SNCAIP: variants seen among roughly 807,000 people sequenced by gnomAD.
The protein encoded by SNCAIP is synphilin-1.
A neutral mutation model predicts 86.7 loss-of-function variants in SNCAIP; 43 were observed. The observed-to-expected ratio is 0.50, with a 90% CI of 0.39 to 0.64. The LOEUF (loss-of-function observed/expected upper bound fraction) is 0.64, where lower values mean the gene tolerates loss of function less well. Among genes scored for constraint, SNCAIP ranks in the 30% least tolerant of loss-of-function variants. The pLI is 0.00. For synonymous variants in SNCAIP, 417 were observed against 427.2 expected (o/e 0.98, Z 0.29); for missense variants, 981 against 1,103.1 (o/e 0.89, Z 1.57).
intron 7 of SNCAIP, chr5:122,441,408 C>G (rs1461779035): frequency 6.5e-6 from 1 of 153,394 alleles, no homozygotes; most frequent in Non-Finnish European, 1.5e-5. Flanking sequence ...CCCTAACTTG[C>G]CTTCTAAATA....
intron 8 of SNCAIP, among the ~76,000 whole-genome samples, chr5:122,449,299 G>A (rs1783205119): frequency 6.6e-6 from 1 of 152,102 alleles, no homozygotes; most frequent in Non-Finnish European, 1.5e-5. Flanking sequence ...TGGCTGTATG[G>A]ATACTCAAAG....
intron 1 of SNCAIP, among the ~76,000 whole-genome samples, chr5:122,315,908 T>C (rs991892415): frequency 5.9e-5 from 9 of 152,020 alleles, no homozygotes; most frequent in African/African-American, 1.7e-4. Flanking sequence ...AGGTGACTGA[T>C]TATAGGGGGT....
At chr5:122,433,692 C>T (rs746892670) in intron 6 of SNCAIP, among the ~76,000 whole-genome samples, 6 of 152,174 alleles carry the variant, frequency 3.9e-5, no homozygotes, top group Non-Finnish European at 8.8e-5. Flanking sequence ...TAGTCCCCAT[C>T]CACAGTGTCC....
intron 2 of SNCAIP, among the ~76,000 whole-genome samples, chr5:122,391,775 A>C (rs2152841347): frequency 6.6e-6 from 1 of 152,314 alleles, no homozygotes; most frequent in Middle Eastern, 3.4e-3. Flanking sequence ...TAATTCCCAT[A>C]ACAGCCACAA....
intron 1 of SNCAIP, among the ~76,000 whole-genome samples, chr5:122,360,902 T>A (rs144825373): frequency 4.6e-5 from 7 of 151,922 alleles, no homozygotes; most frequent in African/African-American, 1.4e-4. Flanking sequence ...AATCAGGAGA[T>A]GAGGGGAAAA....
intron 1 of SNCAIP, among the ~76,000 whole-genome samples, chr5:122,364,352 T>C (rs1408104425): frequency 6.6e-6 from 1 of 152,256 alleles, no homozygotes; most frequent in Non-Finnish European, 1.5e-5. Flanking sequence ...GTGCTTTCAC[T>C]TTATGGACTC....
chr5:122,437,139 C>T (rs1475272204), intron 6 of SNCAIP: 2 of 152,216 alleles, frequency 1.3e-5, no homozygotes, highest in East Asian at 1.9e-4. Context: ...CATGTAGATA[C>T]ACTGACTGAG....
intron 3 of SNCAIP, among the ~76,000 whole-genome samples, chr5:122,407,833 C>T (rs1364645459): frequency 6.6e-6 from 1 of 152,140 alleles, no homozygotes; most frequent in Non-Finnish European, 1.5e-5. Flanking sequence ...CTCCTTATCC[C>T]AACCACAGGG....
At chr5:122,337,687 C>T (rs115265345) in intron 1 of SNCAIP, among the ~76,000 whole-genome samples, 3,748 of 152,230 alleles carry the variant, frequency 0.025, 150 homozygotes, top group African/African-American at 0.086. Context: ...TGCAGGCATG[C>T]CGCCACCATG....
intron 6 of SNCAIP, among the ~76,000 whole-genome samples, chr5:122,434,342 C>T (rs866257428): frequency 1.2e-4 from 19 of 152,286 alleles, no homozygotes; most frequent in Middle Eastern, 6.8e-3. Context: ...GGGCATTCGG[C>T]ATGCTTTGTC....
chr5:122,395,867 A>G (rs1580972062), intron 2 of SNCAIP, among the ~76,000 whole-genome samples: 1 of 152,240 alleles, frequency 6.6e-6, no homozygotes, highest in South Asian at 2.1e-4. Flanking sequence ...TCTCTCTAGC[A>G]ATGAATATAT....
chr5:122,435,561 G>A (rs565175928), intron 6 of SNCAIP, among the ~76,000 whole-genome samples: 6 of 152,162 alleles, frequency 3.9e-5, no homozygotes, highest in South Asian at 2.1e-4. Context: ...ATTCTTCTAC[G>A]AAAACAACCT....
chr5:122,420,266 A>G (rs1293028764), intron 3 of SNCAIP, among the ~76,000 whole-genome samples: 1 of 152,172 alleles, frequency 6.6e-6, no homozygotes, highest in East Asian at 1.9e-4. Context: ...AGCGTTTTTA[A>G]TGGCTCCTGT....
rs1310046728 is a variant in SNCAIP at position 122,416,674 on chromosome 5, G to A, written c.131-6194G>A. On this transcript the variant is annotated intron_variant, in intron 3 of 10. Coordinates refer to ENST00000261368, the MANE Select transcript of SNCAIP (RefSeq NM_005460.4). ...TTCCTACTGTCAGAACATGGGATAA[G>A]CCACCTGTCATCATTTCTTACAGAG... 4.6e-5 allele frequency among the ~76,000 whole-genome samples: 7 copies of A among 152,152 alleles called. No individual in the cohort carries two copies. In the East Asian group the frequency reaches 9.6e-4, roughly 21 times the overall value.
intron 3 of SNCAIP, among the ~76,000 whole-genome samples, chr5:122,416,837 T>A (rs554002551): frequency 3.9e-5 from 6 of 152,194 alleles, no homozygotes; most frequent in Non-Finnish European, 8.8e-5. Context: ...AGAAATGGAA[T>A]GTTGGAGAAC....
chr5:122,417,882 G>A (rs1295531678), intron 3 of SNCAIP, among the ~76,000 whole-genome samples: 2 of 152,190 alleles, frequency 1.3e-5, no homozygotes, highest in Non-Finnish European at 2.9e-5. Context: ...TCTCAGGAGG[G>A]AAGGTGAAAC....
intron 1 of SNCAIP, among the ~76,000 whole-genome samples, chr5:122,362,604 AG>A (rs1327957797): frequency 6.6e-6 from 1 of 152,206 alleles, no homozygotes; most frequent in Non-Finnish European, 1.5e-5. Flanking sequence ...GAGAACTCAT[AG>A]GAATGCTAGT....
At chr5:122,414,032 C>T (rs1774721198) in intron 3 of SNCAIP, among the ~76,000 whole-genome samples, 2 of 152,102 alleles carry the variant, frequency 1.3e-5, no homozygotes, top group African/African-American at 4.8e-5. Context: ...GCTTCAGCTT[C>T]CCTAGTAGAT....
intron 1 of SNCAIP, among the ~76,000 whole-genome samples, chr5:122,315,454 G>A (rs4895350): frequency 0.27 from 40,859 of 152,042 alleles, 6,539 homozygotes; most frequent in African/African-American, 0.46. Context: ...CATTAGCCAT[G>A]TCAAGTCAGA....
Sources: allele counts gnomAD v4.1 joint callset (sites outside exome capture counted in the v4.1 genomes callset), GRCh38; gene constraint gnomAD v4.1.1; transcripts MANE v1.5; gene names NCBI Gene and HGNC (gene_info 2026-07-23, HGNC 2026-07-21).